Variants in AUTS2 observed in about 807,000 individuals in gnomAD.
AUTS2 encodes activator of transcription and developmental regulator AUTS2.
In AUTS2, 17 loss-of-function variants were observed where a neutral mutation model predicts 112.4. That is an observed-to-expected ratio of 0.15 (90% confidence interval 0.10 to 0.23). The LOEUF (loss-of-function observed/expected upper bound fraction) is 0.23, where lower values mean the gene tolerates loss of function less well. AUTS2 is among the 10% of genes least tolerant of loss of function. AUTS2 has a pLI of 1.00. For missense variants in AUTS2, 1,510 were observed against 1,701.6 expected (o/e 0.89, Z 1.98); for synonymous variants, 751 against 702.7 (o/e 1.07, Z -1.09).
intron 6 of AUTS2, among the ~76,000 whole-genome samples, chr7:70,730,229 GTTT>G (rs776855568): frequency 1.4e-4 from 19 of 131,048 alleles, no homozygotes; most frequent in African/African-American, 4.8e-4. Context: ...TTTTTTTTTT[GTTT>G]TTTGTTTGTT....
chr7:70,101,868 G>T (rs1172697007), intron 2 of AUTS2, among the ~76,000 whole-genome samples: 2 of 152,182 alleles, frequency 1.3e-5, no homozygotes, highest in South Asian at 4.2e-4. Flanking sequence ...AGCCATTGCT[G>T]TGACAATATA....
At chr7:70,212,338 G>A (rs1014493090) in intron 4 of AUTS2, among the ~76,000 whole-genome samples, 2 of 152,120 alleles carry the variant, frequency 1.3e-5, no homozygotes, top group African/African-American at 4.8e-5. Context: ...CTAAACTCAC[G>A]GCATCTGCTT....
At chr7:70,435,631 A>AT (rs1291330277) in intron 4 of AUTS2, 121 bp from the exon 5 acceptor site, 2 of 965,374 alleles carry the variant, frequency 2.1e-6, no homozygotes, top group East Asian at 2.5e-5. Context: ...GGAAGACAGC[A>AT]TTTTTTATTT....
At chr7:70,700,619 A>G (rs929274293) in intron 6 of AUTS2, among the ~76,000 whole-genome samples, 5 of 123,746 alleles carry the variant, frequency 4.0e-5, no homozygotes, top group African/African-American at 1.4e-4. Context: ...GTGGAGGGGG[A>G]AAGCATCGGG....
chr7:70,280,260 T>A (rs1305205149), intron 4 of AUTS2, among the ~76,000 whole-genome samples: 2 of 150,912 alleles, frequency 1.3e-5, no homozygotes, highest in Non-Finnish European at 3.0e-5. Flanking sequence ...TGAGGGAAAC[T>A]TTTTTTTTCT....
intron 2 of AUTS2, among the ~76,000 whole-genome samples, chr7:69,917,289 C>CTT (rs11313164): frequency 3.8e-5 from 5 of 133,294 alleles, no homozygotes; most frequent in East Asian, 2.2e-4. Context: ...CTTTTTTTTT[C>CTT]TTTTTTTTTT....
rs146676142 is a variant in AUTS2, at chr7:70,229,009, G to T, written c.660+94438G>T. ...AACTATATTCTTTCTCTCTTTCTTT[G>T]TGCTACTATTATTATATATATTAAT... is the stretch of plus-strand genomic sequence containing the variant. On this transcript the variant is annotated intron_variant, in intron 4 of 18. Transcript: ENST00000342771. Among the ~76,000 whole-genome samples the T allele has an allele frequency of 5.5e-3, 831 of 151,342 alleles. 5 individuals are homozygous for T. Among genetic ancestry groups the T allele is most frequent in the African/African-American group, 0.019 (776 of 41,318 alleles).
intron 6 of AUTS2, among the ~76,000 whole-genome samples, chr7:70,726,417 C>A (rs1228259362): frequency 1.3e-5 from 2 of 151,984 alleles, no homozygotes; most frequent in African/African-American, 2.4e-5. Flanking sequence ...TGGAAATATA[C>A]TAAACAACTT....
At chr7:69,809,728 G>A (rs1314478693) in intron 1 of AUTS2, among the ~76,000 whole-genome samples, 1 of 152,180 alleles carries the variant, frequency 6.6e-6, no homozygotes, top group Non-Finnish European at 1.5e-5. Flanking sequence ...ATACTGGAAT[G>A]ACTGTGTGAC....
intron 4 of AUTS2, among the ~76,000 whole-genome samples, chr7:70,318,366 G>A (rs1346531349): frequency 6.6e-6 from 1 of 152,010 alleles, no homozygotes; most frequent in Non-Finnish European, 1.5e-5. Context: ...GAAAGTCCAG[G>A]GAGAGTTAAC....
chr7:70,411,215 G>C (rs1028089093), intron 4 of AUTS2, among the ~76,000 whole-genome samples: 1 of 152,034 alleles, frequency 6.6e-6, no homozygotes, highest in Non-Finnish European at 1.5e-5. Context: ...AAAAAAAATG[G>C]GATTCTCCTT....
chr7:70,555,863 A>G (rs149205634), intron 5 of AUTS2, among the ~76,000 whole-genome samples: 2,606 of 149,878 alleles, frequency 0.017, 74 homozygotes, highest in African/African-American at 0.061. Flanking sequence ...GGAGTGCAGT[A>G]GTGCGATCTC....
chr7:70,395,327 C>G (rs1410594012), intron 4 of AUTS2, among the ~76,000 whole-genome samples: 3 of 152,168 alleles, frequency 2.0e-5, no homozygotes, highest in African/African-American at 7.2e-5. Flanking sequence ...TCGCCTCTCA[C>G]CAAGTTTCAG....
chr7:70,032,560 T>C (rs1275837897), intron 2 of AUTS2, among the ~76,000 whole-genome samples: 1 of 152,126 alleles, frequency 6.6e-6, no homozygotes, highest in Non-Finnish European at 1.5e-5. Flanking sequence ...AATATGGTAT[T>C]GAGACAGTTA....
chr7:70,582,437 T>A (rs1802496600), intron 5 of AUTS2, among the ~76,000 whole-genome samples: 1 of 152,112 alleles, frequency 6.6e-6, no homozygotes, highest in Non-Finnish European at 1.5e-5. Context: ...TGGCTGCATG[T>A]GGAGAGTATG....
intron 2 of AUTS2, among the ~76,000 whole-genome samples, chr7:70,038,438 C>T (rs1469080913): frequency 3.3e-5 from 5 of 152,128 alleles, no homozygotes; most frequent in Admixed American, 2.0e-4. Flanking sequence ...TGGTCATAGG[C>T]AGAGAAACGT....
chr7:69,903,419 G>C (rs1489576188), intron 2 of AUTS2, among the ~76,000 whole-genome samples: 1 of 152,086 alleles, frequency 6.6e-6, no homozygotes, highest in African/African-American at 2.4e-5. Flanking sequence ...AGAGCAAAAG[G>C]GTTTTAAAAA....
intron 2 of AUTS2, among the ~76,000 whole-genome samples, chr7:69,944,900 C>G (rs1362310211): frequency 6.6e-6 from 1 of 152,150 alleles, no homozygotes; most frequent in Non-Finnish European, 1.5e-5. Context: ...ATTTTAGGAT[C>G]TGCACCCTTT....
chr7:69,641,819 A>G (rs1007899169), intron 1 of AUTS2, among the ~76,000 whole-genome samples: 2 of 152,234 alleles, frequency 1.3e-5, no homozygotes, highest in African/African-American at 2.4e-5. Flanking sequence ...CTGGAATACT[A>G]TAAGCACAAG....
Sources: allele counts gnomAD v4.1 joint callset (sites outside exome capture counted in the v4.1 genomes callset), GRCh38; gene constraint gnomAD v4.1.1; transcripts MANE v1.5; gene names NCBI Gene and HGNC (gene_info 2026-07-23, HGNC 2026-07-21).